RYR2: variants seen among roughly 807,000 people sequenced by gnomAD.
The protein encoded by RYR2 is cardiac muscle ryanodine receptor-calcium release channel.
A neutral mutation model predicts 601.1 loss-of-function variants in RYR2; 227 were observed. The observed-to-expected ratio is 0.38, with a 90% CI of 0.34 to 0.42. The LOEUF is 0.42. Ranked by LOEUF, RYR2 falls within the 10% of genes least tolerant of loss-of-function variation. RYR2 has a pLI of 1.00. For missense variants in RYR2, 4,646 were observed against 6,156.5 expected, an observed-to-expected ratio of 0.75 and a Z score of 8.21; for synonymous variants, 2,223 against 2,175.1, an observed-to-expected ratio of 1.02 and a Z score of -0.61.
intron 25 of RYR2, among the ~76,000 whole-genome samples, chr1:237,544,644 A>C (rs1476678542): frequency 6.6e-6 from 1 of 152,206 alleles, no homozygotes; most frequent in South Asian, 2.1e-4. Flanking sequence ...TCATATTAGC[A>C]GTTGGTTGTC....
chr1:237,533,889 T>A (rs538196356), intron 25 of RYR2, among the ~76,000 whole-genome samples: 20 of 152,218 alleles, frequency 1.3e-4, no homozygotes, highest in African/African-American at 4.8e-4. Flanking sequence ...ATGAAGTTAA[T>A]TTTATTATAA....
chr1:237,104,003 C>T (rs945647766), intron 1 of RYR2, among the ~76,000 whole-genome samples: 3 of 149,774 alleles, frequency 2.0e-5, no homozygotes, highest in African/African-American at 5.1e-5. Flanking sequence ...TGTGTCATCC[C>T]GGGCTGAAGT....
chr1:237,382,836 C>T (rs1456030717), intron 8 of RYR2, among the ~76,000 whole-genome samples: 2 of 151,524 alleles, frequency 1.3e-5, no homozygotes, highest in East Asian at 3.9e-4. Context: ...CCTTTCTTTC[C>T]TCTGTGGCTC....
chr1:237,067,064 G>A (rs1398226970), intron 1 of RYR2, among the ~76,000 whole-genome samples: 2 of 151,966 alleles, frequency 1.3e-5, no homozygotes, highest in Non-Finnish European at 2.9e-5. Flanking sequence ...TCAGATATAT[G>A]GTTTGCAAAT....
intron 79 of RYR2, among the ~76,000 whole-genome samples, chr1:237,736,044 G>A (rs1013391764): frequency 1.3e-5 from 2 of 152,194 alleles, no homozygotes; most frequent in Non-Finnish European, 2.9e-5. Flanking sequence ...TATGAGCAAT[G>A]TAGTCTGAAC....
At chr1:237,781,409 A>ATAAC (rs1695101624) in intron 88 of RYR2, among the ~76,000 whole-genome samples, 156 bp from the exon 89 acceptor site, 1 of 152,266 alleles carries the variant, frequency 6.6e-6, no homozygotes, top group Non-Finnish European at 1.5e-5. Flanking sequence ...ATTGTAAAGT[A>ATAAC]TAACTATTTT....
In RYR2 at chr1:237,792,364, T is replaced by TGTGTGTGTGCGC. The variant is rs757535796; in HGVS notation, c.13782+50_13782+51insCGCGTGTGTGTG. ...ACCAAGGTACCTGTGTGTGTGTGTG[T>TGTGTGTGTGCGC]GTGTGTGTGTGTGTGTGCGTGTGTG... On this transcript the variant is annotated intron_variant, in intron 94 of 104. Coordinates refer to ENST00000366574, the MANE Select transcript of RYR2 (RefSeq NM_001035.3). 10 of 876,236 alleles carry TGTGTGTGTGCGC rather than the reference T, an allele frequency of 1.1e-5. No individual in the cohort carries two copies. The African/African-American group carries it at 1.3e-4, about 11-fold the overall frequency. The allele number at this position is 876,236 out of a possible 1,614,324, so 54.3% of individuals were successfully genotyped here. A position where few individuals can be genotyped will look rare whatever the true frequency, so the allele number is the denominator to read the frequency against.
intron 17 of RYR2, among the ~76,000 whole-genome samples, chr1:237,479,739 G>A (rs144927685): frequency 1.0e-3 from 159 of 152,298 alleles, no homozygotes; most frequent in South Asian, 9.1e-3. Context: ...TAATGACTGC[G>A]TAGTTTTTAA....
At chr1:237,565,095 CTT>C (rs1225630819) in intron 27 of RYR2, among the ~76,000 whole-genome samples, 1 of 151,026 alleles carries the variant, frequency 6.6e-6, no homozygotes, top group Non-Finnish European at 1.5e-5. Context: ...TCCTTCTTCT[CTT>C]TTCTTTTCTT....
At chr1:237,108,808 T>G (rs1375817024) in intron 1 of RYR2, among the ~76,000 whole-genome samples, 3 of 152,226 alleles carry the variant, frequency 2.0e-5, no homozygotes, top group Admixed American at 1.3e-4. Context: ...CTCTTGTCTG[T>G]GCTTTCCACC....
intron 1 of RYR2, among the ~76,000 whole-genome samples, chr1:237,115,426 T>G (rs1400607690): frequency 6.6e-6 from 1 of 152,214 alleles, no homozygotes; most frequent in Non-Finnish European, 1.5e-5. Flanking sequence ...CTGGAAACCC[T>G]TAAGAACCCC....
At chr1:237,598,316 C>T (rs903682625) in intron 34 of RYR2, among the ~76,000 whole-genome samples, 1 of 152,156 alleles carries the variant, frequency 6.6e-6, no homozygotes, top group Non-Finnish European at 1.5e-5. Flanking sequence ...AAGGGACATA[C>T]TAGACATTTA....
rs569017230 is a variant in RYR2 at position 237,259,778 on chromosome 1, T to C, written c.49-10719T>C. On this transcript the variant is annotated intron_variant, in intron 1 of 104. Coordinates refer to ENST00000366574, the MANE Select transcript of RYR2 (RefSeq NM_001035.3). ...GTAAAATGTGAGGACTGAAGGCACC[T>C]TGGAGGATGCCCAGTTCATCCACTG... Among the ~76,000 whole-genome samples, 4 of 152,264 alleles carry C rather than the reference T, an allele frequency of 2.6e-5. No homozygotes were observed. In the East Asian group the frequency reaches 7.7e-4, roughly 29 times the overall value.
chr1:237,166,570 AAGTT>A (rs749824765), intron 1 of RYR2, among the ~76,000 whole-genome samples: 2 of 152,190 alleles, frequency 1.3e-5, no homozygotes, highest in Non-Finnish European at 2.9e-5. Flanking sequence ...GAACATAACA[AAGTT>A]AGTCATTGAA....
At chr1:237,101,754 A>G (rs941333775) in intron 1 of RYR2, among the ~76,000 whole-genome samples, 15 of 152,370 alleles carry the variant, frequency 9.8e-5, no homozygotes, top group African/African-American at 3.4e-4. Context: ...TTACTGCCCC[A>G]TAACCCAGGA....
At chr1:237,116,947 C>T (rs776381791) in intron 1 of RYR2, among the ~76,000 whole-genome samples, 3 of 152,184 alleles carry the variant, frequency 2.0e-5, no homozygotes, top group Non-Finnish European at 4.4e-5. Flanking sequence ...TACAGACACA[C>T]CCAGAAATCG....
chr1:237,314,469 G>T (rs1227104524), intron 2 of RYR2, among the ~76,000 whole-genome samples: 1 of 152,154 alleles, frequency 6.6e-6, no homozygotes, highest in East Asian at 1.9e-4. Context: ...ATAGCTAAAG[G>T]TTTAAAATAA....
At chr1:237,497,776 T>C (rs1345474494) in intron 20 of RYR2, among the ~76,000 whole-genome samples, 1 of 152,222 alleles carries the variant, frequency 6.6e-6, no homozygotes, top group Non-Finnish European at 1.5e-5. Flanking sequence ...TATCTAACAA[T>C]GATACTTACT....
chr1:237,174,182 A>G (rs181574803), intron 1 of RYR2, among the ~76,000 whole-genome samples: 2 of 152,358 alleles, frequency 1.3e-5, no homozygotes, highest in African/African-American at 2.4e-5. Context: ...TCTTCATTCA[A>G]TCTAGTTTAA....
Sources: gnomAD v4.1 joint callset for allele counts (sites outside exome capture counted in the v4.1 genomes callset) on GRCh38, gnomAD v4.1.1 for gene constraint, MANE v1.5 for transcripts, NCBI Gene and HGNC (gene_info 2026-07-23, HGNC 2026-07-21) for gene names.